ETV6: variants seen among roughly 807,000 people sequenced by gnomAD.
ETV6 encodes the protein transcription factor ETV6.
A neutral mutation model predicts 51.1 loss-of-function variants in ETV6; 16 were observed. The ratio of observed to expected loss-of-function variants is 0.31; its 90% CI spans 0.21 to 0.48. The LOEUF (loss-of-function observed/expected upper bound fraction) is 0.48. Ranked by LOEUF, ETV6 falls within the 20% of genes least tolerant of loss-of-function variation. ETV6 has a pLI of 0.99. For missense variants in ETV6, 458 were observed against 594.8 expected (o/e 0.77, Z 2.39); for synonymous variants, 240 against 224.1 (o/e 1.07, Z -0.64).
intron 2 of ETV6, among the ~76,000 whole-genome samples, chr12:11,829,771 G>T (rs1230753136): frequency 1.3e-5 from 2 of 152,174 alleles, no homozygotes; most frequent in Non-Finnish European, 2.9e-5. Context: ...TGGACTTTGG[G>T]CTGAAAGACA....
rs1188830793 is a variant in ETV6 at position 11,894,130 on chromosome 12, C to T, written c.*3084C>T. 2 of 230,838 alleles carry T rather than the reference C, an allele frequency of 8.7e-6. No individual in the cohort carries two copies. The highest frequency in any genetic ancestry group is 4.4e-5 in the African/African-American group (2 of 45,144). The allele number at this position is 230,838 out of a possible 1,614,324, so 14.3% of individuals were successfully genotyped here. A position where few individuals can be genotyped will look rare whatever the true frequency, so the allele number is the denominator to read the frequency against. On this transcript the variant is annotated 3_prime_UTR_variant, in exon 8 of 8. Transcript: ENST00000396373. ...AGCACCTGCTGGACACTGAGGGACC[C>T]AAAGCTCAATCAGCCATAATCCCTG... is the stretch of plus-strand genomic sequence containing the variant.
At chr12:11,876,805 C>T (rs573345543) in intron 5 of ETV6, among the ~76,000 whole-genome samples, 3 of 152,260 alleles carry the variant, frequency 2.0e-5, no homozygotes, top group African/African-American at 4.8e-5. Flanking sequence ...GTGAGGCTAT[C>T]GCTGGTCAGT....
At chr12:11,805,672 G>A (rs1945818803) in intron 2 of ETV6, among the ~76,000 whole-genome samples, 2 of 152,170 alleles carry the variant, frequency 1.3e-5, no homozygotes. Context: ...GTTCTACAGG[G>A]AATGGAAAGC....
At chr12:11,756,754 C>T (rs554999854) in intron 2 of ETV6, among the ~76,000 whole-genome samples, 9 of 152,338 alleles carry the variant, frequency 5.9e-5, no homozygotes, top group African/African-American at 2.2e-4. Flanking sequence ...GTTACAGCAC[C>T]TCACGAGGTG....
intron 2 of ETV6, among the ~76,000 whole-genome samples, chr12:11,788,824 T>A (rs943183109): frequency 6.6e-6 from 1 of 151,498 alleles, no homozygotes; most frequent in Admixed American, 6.6e-5. Context: ...TGACAGTTTG[T>A]CCTTTCTTCC....
In ETV6 at chr12:11,676,212, T is replaced by C. The variant is rs7316438; in HGVS notation, c.33+26052T>C. ...GAGGCAACGTGACAGAGCACACAGC[T>C]TTATGCCTTTTTCTTAGTCTACTCT... On this transcript the variant is annotated intron_variant, in intron 1 of 7. Transcript: ENST00000396373. Among the ~76,000 whole-genome samples the C allele has an allele frequency of 7.4e-3, 1,125 of 152,238 alleles. 10 individuals are homozygous for C. The highest frequency in any genetic ancestry group is 0.025 in the African/African-American group (1,047 of 41,536).
intron 5 of ETV6, among the ~76,000 whole-genome samples, chr12:11,883,951 G>A (rs1210982057): frequency 1.3e-5 from 2 of 151,886 alleles, no homozygotes; most frequent in Non-Finnish European, 1.5e-5. Flanking sequence ...GCCTACCCCA[G>A]CCTTCTCATC....
chr12:11,810,984 T>C (rs2136419404), intron 2 of ETV6, among the ~76,000 whole-genome samples: 1 of 152,112 alleles, frequency 6.6e-6, no homozygotes, highest in South Asian at 2.1e-4. Context: ...TTTAAACACC[T>C]CCAATGTCCA....
chr12:11,799,336 G>T (rs1945716174), intron 2 of ETV6, among the ~76,000 whole-genome samples: 1 of 152,160 alleles, frequency 6.6e-6, no homozygotes, highest in Admixed American at 6.5e-5. Context: ...CCTAAAAACA[G>T]TCACTGTCAC....
rs746162086 is a variant in ETV6, at chr12:11,884,511, G to C, written c.1076G>C (p.Arg359Pro). ...GACAGCCGGTACGAAAACTTCATCC[G>C]ATGGGAGGACAAAGAATCCAAAATA... ...LSDSRYENFI[R>P]WEDKESKIFR... is the part of the protein sequence containing the mutation. The change falls in exon 6 of 8, where the codon CGA (arginine) becomes CCA (proline). Residue 359 changes from arginine to proline, a missense_variant. Physicochemically the swap from Arg to Pro is moderately radical, Grantham distance 103. Coordinates refer to ENST00000396373, the MANE Select transcript of ETV6 (RefSeq NM_001987.5). 6.2e-7 allele frequency: 1 copy of C among 1,614,172 alleles called. No homozygotes were observed.
rs1045019123 is a variant in ETV6 at position 11,891,322 on chromosome 12, C to CA, written c.*277dup. On this transcript the variant is annotated 3_prime_UTR_variant, in exon 8 of 8. Transcript: ENST00000396373. The stretch of plus-strand genomic sequence containing the variant: ...TGGAATCTCTCCATCTGTAATTCCT[C>CA]ACCCTCACCCTTCCACCGTTGTTAG... 2.4e-6 allele frequency: 1 copy of CA among 408,468 alleles called. No individual in the cohort carries two copies. The highest frequency in any genetic ancestry group is 2.0e-5 in the African/African-American group (1 of 49,446). 25.3% of individuals were successfully genotyped at this position (408,468 alleles called of 1,614,324 possible).
chr12:11,864,505 A>G (rs555299378), intron 4 of ETV6, among the ~76,000 whole-genome samples: 5 of 152,354 alleles, frequency 3.3e-5, no homozygotes, highest in South Asian at 2.1e-4. Flanking sequence ...ACTGTCTTCA[A>G]TAGTTGTTTA....
chr12:11,797,101 C>T (rs958736430), intron 2 of ETV6, among the ~76,000 whole-genome samples: 1 of 152,124 alleles, frequency 6.6e-6, no homozygotes, highest in African/African-American at 2.4e-5. Context: ...CTCTAAAGAA[C>T]CCAGAAATAA....
chr12:11,863,125 T>C (rs1227934362), intron 4 of ETV6, among the ~76,000 whole-genome samples: 1 of 152,184 alleles, frequency 6.6e-6, no homozygotes, highest in African/African-American at 2.4e-5. Flanking sequence ...ATCTTAGCCT[T>C]TGCTCTCCCT....
intron 1 of ETV6, among the ~76,000 whole-genome samples, chr12:11,720,567 C>T (rs1229795278): frequency 1.3e-5 from 2 of 152,152 alleles, no homozygotes; most frequent in African/African-American, 2.4e-5. Flanking sequence ...TCACCATATA[C>T]AAAAATTAAC....
chr12:11,807,484 A>G (rs1249079290), intron 2 of ETV6, among the ~76,000 whole-genome samples: 4 of 152,218 alleles, frequency 2.6e-5, no homozygotes, highest in African/African-American at 9.6e-5. Flanking sequence ...CTCATTAGAC[A>G]GTGAGCAGGT....
intron 4 of ETV6, among the ~76,000 whole-genome samples, chr12:11,858,346 T>C (rs764753079): frequency 6.6e-6 from 1 of 151,966 alleles, no homozygotes; most frequent in Non-Finnish European, 1.5e-5. Context: ...GATGATAACT[T>C]CTTTTCACAC....
Position 11,752,526 on chromosome 12 carries a change from T to A in ETV6, c.110T>A (p.Val37Glu). 1 of 1,614,032 alleles carries A rather than the reference T, an allele frequency of 6.2e-7. No individual in the cohort carries two copies. Among genetic ancestry groups the A allele is most frequent in the Non-Finnish European group, 8.5e-7 (1 of 1,180,022 alleles). The change falls in exon 2 of 8, where the codon GTG becomes GAG. Residue 37 changes from valine (V) to glutamate (E), a missense_variant. Physicochemically the swap from Val to Glu is moderately radical, Grantham distance 121 (BLOSUM62 -2). Around this residue, in one of 4 missense-constraint regions of ETV6, gnomAD observed 84 missense variants for 75.9 expected, o/e 1.11. Transcript: ENST00000396373. ...TCCTCGACGCCACTTCATGTTCCAG[T>A]GCCTCGAGCGCTCAGGATGGAGGAA... is the stretch of plus-strand genomic sequence containing the variant. ...YASSTPLHVPVPRALRMEEDS... is the reference protein window; with the variant it reads ...YASSTPLHVPEPRALRMEEDS...
intron 2 of ETV6, among the ~76,000 whole-genome samples, chr12:11,790,978 G>A (rs1012300167): frequency 1.3e-5 from 2 of 152,128 alleles, no homozygotes; most frequent in Non-Finnish European, 2.9e-5. Context: ...ATTGCGCCCG[G>A]CCAGAGCTTA....
Sources: allele counts gnomAD v4.1 joint callset (sites outside exome capture counted in the v4.1 genomes callset), GRCh38; gene constraint gnomAD v4.1.1; regional missense constraint gnomAD v4.1.1; transcripts MANE v1.5; gene names NCBI Gene and HGNC (gene_info 2026-07-23, HGNC 2026-07-21).